The following CTNNBL1 variants were observed in gnomAD, a reference collection of about 807,000 sequenced individuals.
The protein encoded by CTNNBL1 is catenin beta like 1.
Under a neutral mutation model 72.7 loss-of-function variants are expected in CTNNBL1, and 31 were observed. The observed-to-expected ratio is 0.43, with a 90% CI of 0.32 to 0.58. CTNNBL1 has a LOEUF of 0.58. Ranked by LOEUF, CTNNBL1 falls within the 20% of genes least tolerant of loss-of-function variation. The pLI, the probability that CTNNBL1 is intolerant of heterozygous loss-of-function variation, is 0.08. For missense variants in CTNNBL1, 534 were observed against 725.1 expected, an observed-to-expected ratio of 0.74 and a Z score of 3.03; for synonymous variants, 240 against 267.3, an observed-to-expected ratio of 0.90 and a Z score of 1.00.
intron 4 of CTNNBL1, among the ~76,000 whole-genome samples, chr20:37,748,482 A>G (rs2073288191): frequency 6.6e-6 from 1 of 152,180 alleles, no homozygotes; most frequent in African/African-American, 2.4e-5. Flanking sequence ...GTGAGTGCTC[A>G]TGATGTACCA....
At chr20:37,770,474 C>G (rs958777918) in intron 7 of CTNNBL1, among the ~76,000 whole-genome samples, 1 of 151,768 alleles carries the variant, frequency 6.6e-6, no homozygotes, top group Non-Finnish European at 1.5e-5. Context: ...TCTGTTATGT[C>G]GGGACAGATT....
At chr20:37,703,269 C>T (rs2072859209) in intron 1 of CTNNBL1, among the ~76,000 whole-genome samples, 1 of 152,188 alleles carries the variant, frequency 6.6e-6, no homozygotes, top group Admixed American at 6.5e-5. Context: ...ACTTAATTCA[C>T]ATGCCATCAG....
chr20:37,723,388 A>G (rs2073058313), intron 1 of CTNNBL1, among the ~76,000 whole-genome samples: 1 of 152,206 alleles, frequency 6.6e-6, no homozygotes, highest in Non-Finnish European at 1.5e-5. Flanking sequence ...GATAAAGACC[A>G]TATTCTCCAG....
At chr20:37,752,197 G>A (rs2073325213) in intron 4 of CTNNBL1, among the ~76,000 whole-genome samples, 1 of 152,064 alleles carries the variant, frequency 6.6e-6, no homozygotes, top group Admixed American at 6.6e-5. Context: ...TTCCCCTGTG[G>A]CATGTTACTC....
chr20:37,844,822 C>T (rs1044287915), intron 13 of CTNNBL1, among the ~76,000 whole-genome samples: 1 of 152,106 alleles, frequency 6.6e-6, no homozygotes, highest in Admixed American at 6.5e-5. Context: ...ATGGCGCACG[C>T]GTGTAATCCC....
At position 37,871,833 on chromosome 20, in the gene CTNNBL1, G is replaced by A. The variant is rs1220312466; in HGVS notation, c.1604-92G>A. The A allele has an allele frequency of 2.7e-6, 3 of 1,130,756 alleles. No individual in the cohort carries two copies. In the East Asian group the frequency reaches 7.2e-5, roughly 27 times the overall value. The allele number at this position is 1,130,756 out of a possible 1,614,324, so 70.0% of individuals were successfully genotyped here. A position where few individuals can be genotyped will look rare whatever the true frequency, so the allele number is the denominator to read the frequency against. On this transcript the variant is annotated intron_variant, in intron 15 of 15. Coordinates refer to ENST00000361383, the MANE Select transcript of CTNNBL1 (RefSeq NM_030877.5). Reference sequence around the variant, plus strand: ...CATTAGGGCGACTTGCACCTCTGTGGGAGCTGGGGTTCTGGGAAAGGTATG... The same window carrying A: ...CATTAGGGCGACTTGCACCTCTGTGAGAGCTGGGGTTCTGGGAAAGGTATG...
chr20:37,869,738 G>T (rs1422517883), intron 15 of CTNNBL1, among the ~76,000 whole-genome samples: 1 of 152,206 alleles, frequency 6.6e-6, no homozygotes, highest in Non-Finnish European at 1.5e-5. Flanking sequence ...GCCATTACTG[G>T]CCTGAGCAAA....
intron 5 of CTNNBL1, 35 bp from the exon 6 acceptor site, chr20:37,765,162 C>T (rs1264693316): frequency 1.4e-6 from 2 of 1,429,282 alleles, no homozygotes; most frequent in African/African-American, 1.4e-5. Flanking sequence ...CATTTTATGA[C>T]ATCCCTCTCT....
intron 5 of CTNNBL1, among the ~76,000 whole-genome samples, chr20:37,758,127 T>C (rs2073381065): frequency 6.6e-6 from 1 of 152,372 alleles, no homozygotes; most frequent in South Asian, 2.1e-4. Context: ...CTGGACTTTC[T>C]AATCCCAAGT....
At chr20:37,861,698 G>C (rs115103948) in intron 15 of CTNNBL1, among the ~76,000 whole-genome samples, 75 of 152,318 alleles carry the variant, frequency 4.9e-4, no homozygotes, top group African/African-American at 1.6e-3. Flanking sequence ...GAGGCTTGTG[G>C]ATCCAAATCT....
intron 11 of CTNNBL1, among the ~76,000 whole-genome samples, chr20:37,833,138 A>G (rs2072225589): frequency 6.6e-6 from 1 of 152,230 alleles, no homozygotes; most frequent in Non-Finnish European, 1.5e-5. Context: ...GGCAAATCAC[A>G]TTCCTTCTCA....
intron 11 of CTNNBL1, among the ~76,000 whole-genome samples, chr20:37,832,057 C>T (rs1168284800): frequency 6.6e-6 from 1 of 152,192 alleles, no homozygotes; most frequent in Non-Finnish European, 1.5e-5. Flanking sequence ...TGCAGGTCTC[C>T]CAGAATCTTG....
At chr20:37,777,151 C>T in intron 7 of CTNNBL1, 194 bp from the exon 8 acceptor site, 1 of 536,522 alleles carries the variant, frequency 1.9e-6, no homozygotes, top group Middle Eastern at 4.0e-4. Context: ...GTGTGAGAGC[C>T]ATTGTTTCAA....
chr20:37,751,855 C>T (rs1186372075), intron 4 of CTNNBL1, among the ~76,000 whole-genome samples: 1 of 152,190 alleles, frequency 6.6e-6, no homozygotes, highest in African/African-American at 2.4e-5. Flanking sequence ...TGTTATTTTG[C>T]TAGGAGCTAT....
chr20:37,836,477 C>T (rs1210997192), intron 11 of CTNNBL1, among the ~76,000 whole-genome samples: 1 of 152,156 alleles, frequency 6.6e-6, no homozygotes, highest in Non-Finnish European at 1.5e-5. Flanking sequence ...CTTTTCTCTG[C>T]CTTGTTGTTG....
chr20:37,708,569 G>A (rs2072910523), intron 1 of CTNNBL1, among the ~76,000 whole-genome samples: 2 of 152,182 alleles, frequency 1.3e-5, no homozygotes, highest in Non-Finnish European at 2.9e-5. Flanking sequence ...TTGTAGTTCA[G>A]AACTAGTTTC....
rs567559081 is a variant in CTNNBL1, at chr20:37,814,427, A to T, written c.1213+11379A>T. Among the ~76,000 whole-genome samples the T allele has an allele frequency of 2.0e-5, 3 of 152,142 alleles. No homozygotes were observed. In the East Asian group the frequency reaches 5.8e-4, roughly 29 times the overall value. On this transcript the variant is annotated intron_variant, in intron 11 of 15. Transcript: ENST00000361383. ...TCTACCCACTGTATCCACTCTTCTC[A>T]TGGTTTTCCATACCTGATGCCCAGC...
In CTNNBL1 at chr20:37,847,271, G is replaced by C. The variant is rs145355752; in HGVS notation, c.1392+4852G>C. ...TCTATACACATTCAGTTCAAATCAC[G>C]TATTACAATAATCTGTAACTAGCAA... On this transcript the variant is annotated intron_variant, in intron 13 of 15. Transcript: ENST00000361383. Among the ~76,000 whole-genome samples, 253 of 152,282 alleles carry C rather than the reference G, an allele frequency of 1.7e-3. 2 individuals are homozygous for C. Among genetic ancestry groups the C allele is most frequent in the African/African-American group, 5.9e-3 (246 of 41,524 alleles).
chr20:37,710,803 C>T (rs1012356139), intron 1 of CTNNBL1, among the ~76,000 whole-genome samples: 30 of 152,090 alleles, frequency 2.0e-4, no homozygotes, highest in African/African-American at 6.3e-4. Context: ...CCCACAGGCC[C>T]GTGAAATCTA....
Sources: allele counts gnomAD v4.1 joint callset (sites outside exome capture counted in the v4.1 genomes callset), GRCh38; gene constraint gnomAD v4.1.1; transcripts MANE v1.5; gene names NCBI Gene and HGNC (gene_info 2026-07-23, HGNC 2026-07-21).